MXI1: variants seen among roughly 807,000 people sequenced by gnomAD.
The protein encoded by MXI1 is max-interacting protein 1.
A neutral mutation model predicts 36.9 loss-of-function variants in MXI1; 18 were observed. The ratio of observed to expected loss-of-function variants is 0.49; its 90% CI spans 0.34 to 0.72. MXI1 has a LOEUF of 0.72. Ranked by LOEUF, MXI1 falls within the 30% of genes least tolerant of loss-of-function variation. The probability of loss-of-function intolerance (pLI) is 0.01; values close to 1 mark genes in which losing one functional copy is unlikely to be tolerated. For synonymous variants in MXI1, 160 were observed against 146.7 expected (o/e 1.09, Z -0.65); for missense variants, 304 against 379.1 (o/e 0.80, Z 1.64).
At chr10:110,232,561 C>T (rs999639520) in intron 2 of MXI1, among the ~76,000 whole-genome samples, 2 of 152,158 alleles carry the variant, frequency 1.3e-5, no homozygotes, top group Non-Finnish European at 2.9e-5. Flanking sequence ...GTGTCCTATT[C>T]ACTGGATTAA....
chr10:110,228,261 GGAGGTT>G lies in MXI1; in HGVS notation c.351_356del (p.Arg117_Leu118del). On this transcript the variant is annotated inframe_deletion, in exon 2 of 6. Coordinates refer to ENST00000332674, the MANE Select transcript of MXI1 (RefSeq NM_130439.3). ...CGACTGCAGCATTCAAAGCCCCCAC[GGAGGTT>G]GAGCCGGGCACAGAAACACAGCAGC... is the stretch of plus-strand genomic sequence containing the variant. 2 of 1,614,114 alleles carry G rather than the reference GGAGGTT, an allele frequency of 1.2e-6. No individual in the cohort carries two copies. The highest frequency in any genetic ancestry group is 1.7e-6 in the Non-Finnish European group (2 of 1,180,014).
intron 1 of MXI1, among the ~76,000 whole-genome samples, chr10:110,214,715 T>C (rs1219087056): frequency 7.0e-6 from 1 of 142,742 alleles, no homozygotes; most frequent in African/African-American, 2.6e-5. Context: ...GAGAAGCACA[T>C]GCTTGCCCTG....
At chr10:110,261,140 C>T (rs957136273) in intron 3 of MXI1, 1 of 984,784 alleles carries the variant, frequency 1.0e-6, no homozygotes, top group African/African-American at 1.7e-5. Context: ...GAGAAAGTAG[C>T]TACAGGTCAG....
chr10:110,280,455 C>T (rs1040751448), intron 5 of MXI1, among the ~76,000 whole-genome samples: 3 of 151,866 alleles, frequency 2.0e-5, no homozygotes, highest in Non-Finnish European at 4.4e-5. Context: ...CCAAGGCGGG[C>T]AGATCACAAG....
intron 2 of MXI1, among the ~76,000 whole-genome samples, chr10:110,242,817 G>T (rs1006662585): frequency 6.6e-6 from 1 of 151,914 alleles, no homozygotes; most frequent in South Asian, 2.1e-4. Context: ...TTGCCAGACT[G>T]TTTAGAATAA....
chr10:110,231,366 C>T (rs1450669370), intron 2 of MXI1, among the ~76,000 whole-genome samples: 1 of 150,038 alleles, frequency 6.7e-6, no homozygotes, highest in African/African-American at 2.5e-5. Context: ...TAATCCACCC[C>T]CCCCCCCTCA....
At chr10:110,227,819 T>A (rs544404020) in intron 1 of MXI1, 13 of 258,954 alleles carry the variant, frequency 5.0e-5, no homozygotes, top group Middle Eastern at 1.6e-3. Flanking sequence ...AGAGACTCTT[T>A]AGAACAGAGA....
At chr10:110,283,480 G>C (rs1423897640) in intron 5 of MXI1, among the ~76,000 whole-genome samples, 3 of 151,744 alleles carry the variant, frequency 2.0e-5, no homozygotes, top group Non-Finnish European at 4.4e-5. Flanking sequence ...TGGTCAGGCT[G>C]GTCTTGAACT....
At chr10:110,265,391 CCTTT>C (rs1856649168) in intron 3 of MXI1, among the ~76,000 whole-genome samples, 1 of 152,016 alleles carries the variant, frequency 6.6e-6, no homozygotes, top group Non-Finnish European at 1.5e-5. Context: ...TTTTGAACTT[CCTTT>C]GATTGTCAAT....
chr10:110,263,461 A>C (rs1357228345), intron 3 of MXI1, among the ~76,000 whole-genome samples: 1 of 152,226 alleles, frequency 6.6e-6, no homozygotes, highest in Non-Finnish European at 1.5e-5. Flanking sequence ...TCTTGAGTGC[A>C]ATGGTTTTAC....
Position 110,244,822 on chromosome 10 carries a change from T to C in MXI1, c.408-6T>C. On this transcript the variant is annotated splice_polypyrimidine_tract_variant and splice_region_variant and intron_variant, in intron 2 of 5. Coordinates refer to ENST00000332674, the MANE Select transcript of MXI1 (RefSeq NM_130439.3). ...GCTAATGCTTTTTTTTTTTTTTGTC[T>C]TTTAGATCTACACACAATGAGCTGG... 6.5e-7 allele frequency: 1 copy of C among 1,541,396 alleles called. No homozygotes were observed. Among genetic ancestry groups the C allele is most frequent in the Non-Finnish European group, 8.7e-7 (1 of 1,145,002 alleles).
rs566461626 is a variant in MXI1 at position 110,228,261 on chromosome 10, G to C, written c.347G>C (p.Arg116Pro). The change falls in exon 2 of 6, where the codon CGG becomes CCG. Residue 116 changes from arginine to proline, a missense_variant. Physicochemically the swap from Arg to Pro is moderately radical, Grantham distance 103. This residue lies in a region of MXI1 where 179 missense variants were observed against 184.8 expected (regional missense o/e 0.97). Coordinates refer to ENST00000332674, the MANE Select transcript of MXI1 (RefSeq NM_130439.3). ...SPRLQHSKPP[R>P]RLSRAQKHSS... ...CGACTGCAGCATTCAAAGCCCCCACGGAGGTTGAGCCGGGCACAGAAACAC... is the reference window on the plus strand; with the variant it reads ...CGACTGCAGCATTCAAAGCCCCCACCGAGGTTGAGCCGGGCACAGAAACAC... The C allele has an allele frequency of 2.5e-5, 40 of 1,614,114 alleles. No individual in the cohort carries two copies. The highest frequency in any genetic ancestry group is 1.6e-4 in the East Asian group (7 of 44,884).
At chr10:110,280,470 G>A (rs1161331067) in intron 5 of MXI1, among the ~76,000 whole-genome samples, 1 of 151,894 alleles carries the variant, frequency 6.6e-6, no homozygotes, top group African/African-American at 2.4e-5. Context: ...CACAAGGTCA[G>A]GAGATCGAGG....
Position 110,285,075 on chromosome 10 carries a change from T to A in MXI1, c.*88T>A. 7.7e-7 allele frequency: 1 copy of A among 1,305,026 alleles called. No individual in the cohort carries two copies. Among genetic ancestry groups the A allele is most frequent in the Non-Finnish European group, 1.0e-6 (1 of 968,224 alleles). The allele number at this position is 1,305,026 out of a possible 1,614,324, so 80.8% of individuals were successfully genotyped here. A position where few individuals can be genotyped will look rare whatever the true frequency, so the allele number is the denominator to read the frequency against. On this transcript the variant is annotated 3_prime_UTR_variant, in exon 6 of 6. Transcript: ENST00000332674. ...CTCTTAAATTGGGTTCATGATGCAG[T>A]CTCCTCTTTAAAACAAAACAAAACA...
intron 1 of MXI1, 87 bp downstream of exon 1, chr10:110,208,169 TCCCC>T: frequency 8.1e-7 from 1 of 1,233,400 alleles, no homozygotes; most frequent in Non-Finnish European, 1.1e-6. Flanking sequence ...GCTCGGCCCG[TCCCC>T]CCCCCGCCCA....
At chr10:110,238,284 T>C (rs376509977) in intron 2 of MXI1, among the ~76,000 whole-genome samples, 12 of 152,222 alleles carry the variant, frequency 7.9e-5, no homozygotes, top group African/African-American at 2.9e-4. Flanking sequence ...TTGGTCTTTC[T>C]GATGTGACCA....
At chr10:110,244,410 C>T (rs1269942867) in intron 2 of MXI1, among the ~76,000 whole-genome samples, 5 of 151,646 alleles carry the variant, frequency 3.3e-5, no homozygotes, top group Non-Finnish European at 5.9e-5. Flanking sequence ...ACTTTTTTTT[C>T]TCTGTTTAGA....
intron 1 of MXI1, among the ~76,000 whole-genome samples, chr10:110,210,671 G>T (rs1488524580): frequency 6.6e-6 from 1 of 152,206 alleles, no homozygotes; most frequent in Non-Finnish European, 1.5e-5. Context: ...CCCGGTCTAG[G>T]TCTCTGGGTA....
rs74778952 is a variant in MXI1, at chr10:110,260,462, C to T, written c.437+15605C>T. On this transcript the variant is annotated intron_variant, in intron 3 of 5. Coordinates refer to ENST00000332674, the MANE Select transcript of MXI1 (RefSeq NM_130439.3). ...GTGTGTGTGTGTGTGTGTGTGTATA[C>T]GCCCACAGATATATACATATATATA... Among the ~76,000 whole-genome samples, 780 of 144,652 alleles carry T rather than the reference C, an allele frequency of 5.4e-3. 2 individuals are homozygous for T. Among genetic ancestry groups the T allele is most frequent in the African/African-American group, 0.018 (705 of 38,546 alleles). 94.9% of individuals were successfully genotyped at this position (144,652 alleles called of 152,430 possible). A position where few individuals can be genotyped will look rare whatever the true frequency, so the allele number is the denominator to read the frequency against.
Sources: allele counts gnomAD v4.1 joint callset (sites outside exome capture counted in the v4.1 genomes callset), GRCh38; gene constraint gnomAD v4.1.1; regional missense constraint gnomAD v4.1.1; transcripts MANE v1.5; gene names NCBI Gene and HGNC (gene_info 2026-07-23, HGNC 2026-07-21).